The following GPR132 variants were observed in gnomAD, a reference collection of about 807,000 sequenced individuals.
GPR132 encodes G protein-coupled receptor 132, also known as probable G protein-coupled receptor 132.
In GPR132, 4 loss-of-function variants were observed where a neutral mutation model predicts 1.9. The observed-to-expected ratio is 2.13, with a 90% CI of 1.05 to 4.87. GPR132 has a LOEUF of 4.87. Ranked by LOEUF, GPR132 falls within the 30% of genes most tolerant of loss-of-function variation. The pLI is 0.01. For missense variants in GPR132, 404 were observed against 512.5 expected, an observed-to-expected ratio of 0.79 and a Z score of 2.04; for synonymous variants, 233 against 234.2, an observed-to-expected ratio of 0.99 and a Z score of 0.05.
chr14:105,054,971 C>T (rs1595136667), intron 3 of GPR132, among the ~76,000 whole-genome samples: 1 of 141,878 alleles, frequency 7.0e-6, no homozygotes, highest in South Asian at 2.2e-4. Context: ...ACCCGGAAGG[C>T]AGAGATTGCG....
At position 105,051,685 on chromosome 14, in the gene GPR132, C is replaced by T. The variant is rs569054802; in HGVS notation, c.452G>A (p.Arg151Gln). ...FVAVVYALES[R>Q]GRRRRRTAIL... is the part of the protein sequence containing the mutation. Reference sequence around the variant, plus strand: ...GGCGGTCCTCCGGCGGCGGCGGCCCCGACTCTCCAGCGCGTACACCACGGC... The same window carrying T: ...GGCGGTCCTCCGGCGGCGGCGGCCCTGACTCTCCAGCGCGTACACCACGGC... The change falls in exon 4 of 4, where the codon CGG becomes CAG. Residue 151 changes from arginine to glutamine, a missense_variant. By Grantham distance (43) the Arg-to-Gln change is conservative. Coordinates refer to ENST00000329797, the MANE Select transcript of GPR132 (RefSeq NM_013345.4). The surrounding 1 kb of genome is among the most constrained non-coding windows in gnomAD (Gnocchi z 8.0). The T allele has an allele frequency of 3.3e-5, 54 of 1,613,814 alleles. No homozygotes were observed. Among genetic ancestry groups the T allele is most frequent in the Admixed American group, 1.0e-4 (6 of 60,016 alleles).
In GPR132 at chr14:105,059,126, A is replaced by G. The variant is rs1332528875; in HGVS notation, c.-860-1846T>C. 6.6e-6 allele frequency among the ~76,000 whole-genome samples: 1 copy of G among 151,192 alleles called. No individual in the cohort carries two copies. Among genetic ancestry groups the G allele is most frequent in the Admixed American group, 6.6e-5 (1 of 15,222 alleles). ...AGGTGCAGTCAGTCTCCCAGTGCAC[A>G]CTCCCCTCCCAGGGCAGGGCCGGCC... On this transcript the variant is annotated intron_variant, in intron 1 of 3. Transcript: ENST00000329797. The surrounding 1 kb of genome is among the most constrained non-coding windows in gnomAD (Gnocchi z 4.2).
chr14:105,058,868 G>T (rs1016720223), intron 1 of GPR132, among the ~76,000 whole-genome samples: 4 of 152,240 alleles, frequency 2.6e-5, no homozygotes, highest in Admixed American at 2.6e-4. Flanking sequence ...AGGGTTTGCA[G>T]GGAGGAGAGC....
At position 105,051,008 on chromosome 14, in the gene GPR132, C is replaced by T. The variant is rs750791502; in HGVS notation, c.1129G>A (p.Glu377Lys). Residue 377 changes from glutamate to lysine, a missense_variant, in exon 4 of 4, where the codon GAG becomes AAG. Transcript: ENST00000329797. The surrounding 1 kb of genome is among the most constrained non-coding windows in gnomAD (Gnocchi z 8.0). ...ACACAGTGGGCTCAGCAGGACTCCTCAATCAGCCTCTTTGCAGGGCATGGT... is the reference window on the plus strand; with the variant it reads ...ACACAGTGGGCTCAGCAGGACTCCTTAATCAGCCTCTTTGCAGGGCATGGT... ...GSPCPAKRLIEESC is the reference protein window; with the variant it reads ...GSPCPAKRLIKESC 3 of 1,612,332 alleles carry T rather than the reference C, an allele frequency of 1.9e-6. No homozygotes were observed. The East Asian group carries it at 6.7e-5, about 36-fold the overall frequency.
rs557643931 is a variant in GPR132 at position 105,057,003 on chromosome 14, T to A, written c.-747+164A>T. Among the ~76,000 whole-genome samples the A allele has an allele frequency of 2.0e-5, 3 of 152,378 alleles. No individual in the cohort carries two copies. The South Asian group carries it at 6.2e-4, about 32-fold the overall frequency. On this transcript the variant is annotated intron_variant, in intron 2 of 3. Transcript: ENST00000329797. ...ACGAAAGAATTATGAAATCAGTCCT[T>A]CATTTCTCCATGTAGCACCTCTAGA... is the stretch of plus-strand genomic sequence containing the variant.
rs1886879197 is a variant in GPR132 at position 105,059,257 on chromosome 14, C to A, written c.-860-1977G>T. On this transcript the variant is annotated intron_variant, in intron 1 of 3. Coordinates refer to ENST00000329797, the MANE Select transcript of GPR132 (RefSeq NM_013345.4). This position sits in a 1 kb window ranked among gnomAD's most constrained non-coding sequence, Gnocchi z 4.2. Reference sequence around the variant, plus strand: ...CCTGGAGCCACTTGCTCTTCCCGCCCATCCCACGTGGCTCTTGCAGGAATT... The same window carrying A: ...CCTGGAGCCACTTGCTCTTCCCGCCAATCCCACGTGGCTCTTGCAGGAATT... Among the ~76,000 whole-genome samples the A allele has an allele frequency of 6.6e-6, 1 of 152,224 alleles. No individual in the cohort carries two copies. The highest frequency in any genetic ancestry group is 1.5e-5 in the Non-Finnish European group (1 of 68,026).
rs1447509580 is a variant in GPR132 at position 105,056,885 on chromosome 14, A to T, written c.-747+282T>A. 6.6e-6 allele frequency among the ~76,000 whole-genome samples: 1 copy of T among 152,148 alleles called. No individual in the cohort carries two copies. Among genetic ancestry groups the T allele is most frequent in the Non-Finnish European group, 1.5e-5 (1 of 68,024 alleles). On this transcript the variant is annotated intron_variant, in intron 2 of 3. Transcript: ENST00000329797. This position sits in a 1 kb window ranked among gnomAD's most constrained non-coding sequence, Gnocchi z 6.0. ...CCAGACCGTGCAGGGCTCCCCTGGG[A>T]CCTGTGGGACAGCCCCCTGACTCAG... is the stretch of plus-strand genomic sequence containing the variant.
At position 105,051,479 on chromosome 14, in the gene GPR132, G is replaced by T. The variant is rs771592205; in HGVS notation, c.658C>A (p.His220Asn). Reference sequence around the variant, plus strand: ...TGCTTGATGCTCCTGAAAATCCGGTGGTTGGTGAAGGCGATGATGGAGAGA... The same window carrying T: ...TGCTTGATGCTCCTGAAAATCCGGTTGTTGGTGAAGGCGATGATGGAGAGA... ...IPLSIIAFTN[H>N]RIFRSIKQSM... is the part of the protein sequence containing the mutation. The change falls in exon 4 of 4, where the codon CAC becomes AAC. Residue 220 changes from histidine to asparagine, a missense_variant. Coordinates refer to ENST00000329797, the MANE Select transcript of GPR132 (RefSeq NM_013345.4). The surrounding 1 kb of genome is among the most constrained non-coding windows in gnomAD (Gnocchi z 8.0). 1 of 1,614,022 alleles carries T rather than the reference G, an allele frequency of 6.2e-7. No homozygotes were observed. Among genetic ancestry groups the T allele is most frequent in the Admixed American group, 1.7e-5 (1 of 60,016 alleles).
chr14:105,059,334 G>T lies in GPR132; in HGVS notation c.-860-2054C>A, dbSNP rs943846394. 6.6e-6 allele frequency among the ~76,000 whole-genome samples: 1 copy of T among 152,174 alleles called. No individual in the cohort carries two copies. The highest frequency in any genetic ancestry group is 2.1e-4 in the South Asian group (1 of 4,828). On this transcript the variant is annotated intron_variant, in intron 1 of 3. Transcript: ENST00000329797. The surrounding 1 kb of genome is among the most constrained non-coding windows in gnomAD (Gnocchi z 4.2). ...AGAACCCAGGGACACCCACACCAAG[G>T]GCTCTGGGCCAGCAGGTGGGGCTGC...
chr14:105,057,435 A>G, intron 1 of GPR132, 155 bp from the exon 2 acceptor site: 1 of 453,860 alleles, frequency 2.2e-6, no homozygotes, highest in Non-Finnish European at 3.9e-6. Flanking sequence ...GTTGCATCCC[A>G]CATGAGAAAC....
At chr14:105,054,293 C>A in intron 3 of GPR132, 1 of 1,074,754 alleles carries the variant, frequency 9.3e-7, no homozygotes, top group Non-Finnish European at 1.1e-6. Context: ...GCCTCAGGAA[C>A]CTTCCACATG....
Position 105,050,835 on chromosome 14 carries a change from G to A in GPR132, c.*159C>T, listed in dbSNP as rs1030557455. On this transcript the variant is annotated 3_prime_UTR_variant, in exon 4 of 4. Transcript: ENST00000329797. The surrounding 1 kb of genome is among the most constrained non-coding windows in gnomAD (Gnocchi z 4.0). ...AGCCACCTTCCATGTGGGAAAGCCT[G>A]GGGCCAGTGGTCACGGAGGGAGTGG... 2 of 681,658 alleles carry A rather than the reference G, an allele frequency of 2.9e-6. No individual in the cohort carries two copies. Among genetic ancestry groups the A allele is most frequent in the African/African-American group, 3.6e-5 (2 of 55,458 alleles). 42.2% of individuals were successfully genotyped at this position (681,658 alleles called of 1,614,324 possible).
chr14:105,058,787 G>A (rs1046650827), intron 1 of GPR132, among the ~76,000 whole-genome samples: 12 of 152,220 alleles, frequency 7.9e-5, no homozygotes, highest in Non-Finnish European at 1.5e-4. Flanking sequence ...AGGCGCCCAG[G>A]GGCCTGTCCC....
Position 105,059,986 on chromosome 14 carries a change from C to T in GPR132, c.-860-2706G>A, listed in dbSNP as rs909787933. 6.6e-6 allele frequency among the ~76,000 whole-genome samples: 1 copy of T among 152,242 alleles called. No homozygotes were observed. Among genetic ancestry groups the T allele is most frequent in the Non-Finnish European group, 1.5e-5 (1 of 68,044 alleles). On this transcript the variant is annotated intron_variant, in intron 1 of 3. Transcript: ENST00000329797. The surrounding 1 kb of genome is among the most constrained non-coding windows in gnomAD (Gnocchi z 4.2). ...AAAGCCATCTCCAAAGTGATGCCCC[C>T]TTGGCGGTGGGTGGTGTGGGCCGGA...
Position 105,051,377 on chromosome 14 carries a change from A to G in GPR132, c.760T>C (p.Cys254Arg). The change falls in exon 4 of 4, where the codon TGC (cysteine) becomes CGC (arginine). Residue 254 changes from cysteine (C) to arginine (R), a missense_variant. Transcript: ENST00000329797. This position sits in a 1 kb window ranked among gnomAD's most constrained non-coding sequence, Gnocchi z 8.0. The part of the protein sequence containing the change: ...AIAVVVIFLV[C>R]FAPYHLVLLV... ...AGAACCAGGTGGTACGGGGCGAAGC[A>G]GACTAGGAAGATGACAACCACCGCG... 6.2e-7 allele frequency: 1 copy of G among 1,614,042 alleles called. No homozygotes were observed. The highest frequency in any genetic ancestry group is 8.5e-7 in the Non-Finnish European group (1 of 1,179,926).
In GPR132 at chr14:105,051,764, T is replaced by C. The variant is rs1193702237; in HGVS notation, c.373A>G (p.Asn125Asp). 3.1e-6 allele frequency: 5 copies of C among 1,614,150 alleles called. No individual in the cohort carries two copies. In the South Asian group the frequency reaches 5.5e-5, roughly 18 times the overall value. Residue 125 changes from asparagine (N) to aspartate (D), a missense_variant, in exon 4 of 4, where the codon AAC becomes GAC. By Grantham distance (23) the Asn-to-Asp change is conservative. Transcript: ENST00000329797. This position sits in a 1 kb window ranked among gnomAD's most constrained non-coding sequence, Gnocchi z 8.0. Reference protein sequence around the residue: ...CKVTAYIFFCNIYVSILFLCC... With the variant: ...CKVTAYIFFCDIYVSILFLCC... ...AGGAAGAGGATGCTGACGTAGATGT[T>C]GCAGAAGAAGATGTAGGCGGTCACC...
chr14:105,061,099 G>T (rs1279212150), intron 1 of GPR132, among the ~76,000 whole-genome samples: 12 of 152,264 alleles, frequency 7.9e-5, no homozygotes, highest in Non-Finnish European at 1.2e-4. Context: ...GAAAGAGTCA[G>T]TGGGCCCAGC....
At position 105,051,039 on chromosome 14, in the gene GPR132, T is replaced by A; in HGVS notation, c.1098A>T (p.Pro366=). 1 of 1,614,036 alleles carries A rather than the reference T, an allele frequency of 6.2e-7. No homozygotes were observed. Among genetic ancestry groups the A allele is most frequent in the Non-Finnish European group, 8.5e-7 (1 of 1,179,914 alleles). The change falls in exon 4 of 4, where the codon CCA becomes CCT. Residue 366 remains proline (P), a synonymous_variant. Coordinates refer to ENST00000329797, the MANE Select transcript of GPR132 (RefSeq NM_013345.4). This position sits in a 1 kb window ranked among gnomAD's most constrained non-coding sequence, Gnocchi z 8.0. The part of the protein sequence containing the change: ...HYTFSRPVHP[P]GSPCPAKRLI... ...GCCTCTTTGCAGGGCATGGTGACCC[T>A]GGTGGGTGCACGGGCCTGGAGAAGG...
chr14:105,062,540 CT>C (rs59869492), intron 1 of GPR132, among the ~76,000 whole-genome samples: 6,830 of 128,374 alleles, frequency 0.053, 95 homozygotes, highest in African/African-American at 0.09. Context: ...CTTTTCTTTT[CT>C]TTTTTTTTTT....
Sources: allele counts gnomAD v4.1 joint callset (sites outside exome capture counted in the v4.1 genomes callset), GRCh38; gene constraint gnomAD v4.1.1; non-coding constraint Gnocchi (gnomAD v3.1); transcripts MANE v1.5; gene names NCBI Gene and HGNC (gene_info 2026-07-23, HGNC 2026-07-21).